MYT1L: variants seen among roughly 807,000 people sequenced by gnomAD.
The protein encoded by MYT1L is myelin transcription factor 1-like protein.
MYT1L carries 12 observed loss-of-function variants against 126.7 expected under a neutral mutation model. That is an observed-to-expected ratio of 0.09 (90% CI 0.06 to 0.15). MYT1L has a LOEUF of 0.15. MYT1L is among the 10% of genes least tolerant of loss of function. MYT1L has a pLI of 1.00. For missense variants in MYT1L, 979 were observed against 1,585.2 expected, an observed-to-expected ratio of 0.62 and a Z score of 6.49; for synonymous variants, 541 against 604.2, an observed-to-expected ratio of 0.90 and a Z score of 1.53.
At chr2:2,117,108 C>T (rs568818531) in intron 3 of MYT1L, among the ~76,000 whole-genome samples, 2 of 152,300 alleles carry the variant, frequency 1.3e-5, no homozygotes, top group East Asian at 1.9e-4. Context: ...CCCACCCTTG[C>T]GTTCCCTCTG....
intron 18 of MYT1L, among the ~76,000 whole-genome samples, chr2:1,866,725 G>A (rs562209898): frequency 3.2e-4 from 39 of 120,990 alleles, no homozygotes; most frequent in African/African-American, 1.1e-3. Flanking sequence ...GAGGCAGAGA[G>A]GGAGGGAGAG....
At chr2:2,027,143 C>T (rs1280325710) in intron 4 of MYT1L, among the ~76,000 whole-genome samples, 1 of 152,168 alleles carries the variant, frequency 6.6e-6, no homozygotes. Context: ...CAGACTGAGC[C>T]GCCCCTGAGA....
Position 1,900,518 on chromosome 2 carries a change from C to T in MYT1L, c.2032+2562G>A, listed in dbSNP as rs186738665. 2.1e-3 allele frequency among the ~76,000 whole-genome samples: 318 copies of T among 152,240 alleles called. 3 individuals are homozygous for T. Among genetic ancestry groups the T allele is most frequent in the African/African-American group, 6.7e-3 (280 of 41,536 alleles). On this transcript the variant is annotated intron_variant, in intron 14 of 24. Transcript: ENST00000647738. ...GTTTCACCGTGTTAGCCAGGATGGT[C>T]TTGATCTCCTGACCTCGTGATCCGC...
chr2:1,857,991 C>A (rs1463622076), intron 18 of MYT1L, among the ~76,000 whole-genome samples: 2 of 152,082 alleles, frequency 1.3e-5, no homozygotes, highest in Non-Finnish European at 2.9e-5. Flanking sequence ...GCCTTCCCAG[C>A]AGCTGGGATT....
intron 3 of MYT1L, among the ~76,000 whole-genome samples, chr2:2,124,494 C>T (rs2081434914): frequency 6.6e-6 from 1 of 152,094 alleles, no homozygotes; most frequent in Non-Finnish European, 1.5e-5. Flanking sequence ...TGGGGTTTCA[C>T]CATGTTGCCC....
intron 3 of MYT1L, among the ~76,000 whole-genome samples, chr2:2,085,570 C>A (rs541925634): frequency 9.3e-4 from 142 of 152,230 alleles, no homozygotes; most frequent in African/African-American, 3.3e-3. Flanking sequence ...CCATTTGTCA[C>A]GGTTGTTTAT....
At position 1,791,476 on chromosome 2, in the gene MYT1L, G is replaced by A. The variant is rs2032079247; in HGVS notation, c.*391C>T. ...TTCAAAGCTGTGGGTCTGTGTGTGC[G>A]TGTGTGTGTTTGTGTGTCCATTTCA... On this transcript the variant is annotated 3_prime_UTR_variant, in exon 25 of 25. Transcript: ENST00000647738. The surrounding 1 kb of genome is among the most constrained non-coding windows in gnomAD (Gnocchi z 6.0). 2 of 344,234 alleles carry A rather than the reference G, an allele frequency of 5.8e-6. No homozygotes were observed. Among genetic ancestry groups the A allele is most frequent in the South Asian group, 4.7e-5 (2 of 42,462 alleles). The allele number at this position is 344,234 out of a possible 1,614,324, so 21.3% of individuals were successfully genotyped here. A position where few individuals can be genotyped will look rare whatever the true frequency, so the allele number is the denominator to read the frequency against.
intron 23 of MYT1L, among the ~76,000 whole-genome samples, chr2:1,795,086 A>G (rs993897737): frequency 6.6e-6 from 1 of 152,188 alleles, no homozygotes; most frequent in Non-Finnish European, 1.5e-5. Context: ...GGCTTCTTGC[A>G]CGTGGACACA....
intron 3 of MYT1L, among the ~76,000 whole-genome samples, chr2:2,091,949 T>C (rs534329952): frequency 6.6e-6 from 1 of 152,342 alleles, no homozygotes; most frequent in South Asian, 2.1e-4. Context: ...AAGCTTTGAC[T>C]GAAGGGAATA....
rs148201762 is a variant in MYT1L at position 2,041,037 on chromosome 2, C to T, written c.-158+12941G>A. ...TTACACTGCCTTTTCTGGAAAGATA[C>T]ATTTGTTTATAAAAATGTGTTTACG... is the stretch of plus-strand genomic sequence containing the variant. On this transcript the variant is annotated intron_variant, in intron 4 of 24. Coordinates refer to ENST00000647738, the MANE Select transcript of MYT1L (RefSeq NM_001303052.2). 2.7e-3 allele frequency among the ~76,000 whole-genome samples: 412 copies of T among 152,258 alleles called. 2 individuals carry two copies. Among genetic ancestry groups the T allele is most frequent in the Non-Finnish European group, 3.7e-3 (252 of 68,004 alleles).
chr2:1,947,246 C>T (rs2057313433), intron 8 of MYT1L, among the ~76,000 whole-genome samples: 2 of 152,314 alleles, frequency 1.3e-5, no homozygotes, highest in South Asian at 4.1e-4. Flanking sequence ...TGCTCATTCA[C>T]ACGCACAGCC....
At chr2:1,837,225 C>T in intron 21 of MYT1L, among the ~76,000 whole-genome samples, 1 of 152,170 alleles carries the variant, frequency 6.6e-6, no homozygotes, top group East Asian at 1.9e-4. Context: ...CTGCTTAAAT[C>T]AAAGGGGCAA....
chr2:1,850,839 C>A (rs1177617089), intron 19 of MYT1L, among the ~76,000 whole-genome samples: 1 of 152,074 alleles, frequency 6.6e-6, no homozygotes, highest in East Asian at 1.9e-4. Flanking sequence ...CCACTGACCC[C>A]AATCTGCTCC....
intron 3 of MYT1L, among the ~76,000 whole-genome samples, chr2:2,128,172 A>G (rs991346044): frequency 5.3e-5 from 8 of 152,142 alleles, no homozygotes; most frequent in African/African-American, 1.9e-4. Flanking sequence ...TTTGGGCATC[A>G]GAGTCTCTCT....
rs964233402 is a variant in MYT1L, at chr2:1,806,832, C to T, written c.3172+2244G>A. Among the ~76,000 whole-genome samples the T allele has an allele frequency of 2.0e-5, 3 of 152,154 alleles. No homozygotes were observed. Among genetic ancestry groups the T allele is most frequent in the African/African-American group, 7.2e-5 (3 of 41,428 alleles). On this transcript the variant is annotated intron_variant, in intron 22 of 24. Coordinates refer to ENST00000647738, the MANE Select transcript of MYT1L (RefSeq NM_001303052.2). The surrounding 1 kb of genome is among the most constrained non-coding windows in gnomAD (Gnocchi z 4.9). Reference sequence around the variant, plus strand: ...CCTTCATTAATGGGGAACAAAGGCACGTGGACTCGGATCAATTGTCTAAGG... The same window carrying T: ...CCTTCATTAATGGGGAACAAAGGCATGTGGACTCGGATCAATTGTCTAAGG...
intron 4 of MYT1L, among the ~76,000 whole-genome samples, chr2:2,030,922 T>C (rs2066168333): frequency 6.6e-6 from 1 of 152,222 alleles, no homozygotes; most frequent in Admixed American, 6.5e-5. Flanking sequence ...CGGGTTTTAA[T>C]AAAGTCCGTA....
intron 2 of MYT1L, among the ~76,000 whole-genome samples, chr2:2,271,829 C>T (rs1031435815): frequency 2.0e-5 from 3 of 152,178 alleles, no homozygotes; most frequent in Admixed American, 2.0e-4. Context: ...CCAACGACAT[C>T]CTTGGGTTTG....
At chr2:2,146,786 G>T (rs1371186989) in intron 3 of MYT1L, among the ~76,000 whole-genome samples, 1 of 152,072 alleles carries the variant, frequency 6.6e-6, no homozygotes, top group Admixed American at 6.5e-5. Context: ...ATTAAATAGG[G>T]GCCACCTTAG....
chr2:2,318,904 C>T (rs9631078), intron 1 of MYT1L, among the ~76,000 whole-genome samples: 1 of 152,144 alleles, frequency 6.6e-6, no homozygotes, highest in Non-Finnish European at 1.5e-5. Context: ...CTATAAAATG[C>T]TAATTCTAAC....
Sources: gnomAD v4.1 joint callset for allele counts (sites outside exome capture counted in the v4.1 genomes callset) on GRCh38, gnomAD v4.1.1 for gene constraint, Gnocchi (gnomAD v3.1) non-coding constraint, MANE v1.5 for transcripts, NCBI Gene and HGNC (gene_info 2026-07-23, HGNC 2026-07-21) for gene names.